SDHAF2: variants seen among roughly 807,000 people sequenced by gnomAD.
The protein encoded by SDHAF2 is succinate dehydrogenase assembly factor 2, mitochondrial.
In SDHAF2, 21 loss-of-function variants were observed where a neutral mutation model predicts 18.5. That is an observed-to-expected ratio of 1.13 (90% confidence interval 0.80 to 1.63). SDHAF2 has a LOEUF of 1.63. Ranked by LOEUF, SDHAF2 falls within the 40% of genes most tolerant of loss-of-function variation. SDHAF2 has a pLI of 0.00. For synonymous variants in SDHAF2, 84 were observed against 70.7 expected (o/e 1.19, Z -0.94); for missense variants, 195 against 200.3 (o/e 0.97, Z 0.16).
At chr11:61,432,853 A>G (rs1241543205) in intron 1 of SDHAF2, 2 of 152,046 alleles carry the variant, frequency 1.3e-5, no homozygotes, top group Non-Finnish European at 1.5e-5. Context: ...CTGCTCTTTT[A>G]TGACCCCCTT....
intron 3 of SDHAF2, chr11:61,444,507 G>A (rs1862112535): frequency 6.6e-6 from 1 of 152,164 alleles, no homozygotes; most frequent in Non-Finnish European, 1.5e-5. Context: ...GGCAGAGGTG[G>A]GCGGATCACA....
In SDHAF2 at chr11:61,436,961, G is replaced by C. The variant is rs546392957; in HGVS notation, c.37-664G>C. ...TCTGTGTGCTCAGGATTTGACACAG[G>C]TGAGTGAGTAGAGTATAAACCACAC... On this transcript the variant is annotated intron_variant, in intron 1 of 3. Transcript: ENST00000301761. The C allele has an allele frequency of 3.2e-6, 4 of 1,249,692 alleles. No homozygotes were observed. The South Asian group carries it at 5.4e-5, about 17-fold the overall frequency. The allele number at this position is 1,249,692 out of a possible 1,614,324, so 77.4% of individuals were successfully genotyped here. A position where few individuals can be genotyped will look rare whatever the true frequency, so the allele number is the denominator to read the frequency against.
intron 1 of SDHAF2, chr11:61,431,517 C>T (rs907820053): frequency 6.6e-6 from 1 of 152,186 alleles, no homozygotes; most frequent in Admixed American, 6.5e-5. Flanking sequence ...TCTTCTTTGA[C>T]TCATTGATTG....
Position 61,446,210 on chromosome 11 carries a change from A to T in SDHAF2, c.*139A>T, listed in dbSNP as rs531889438. 151 of 897,584 alleles carry T rather than the reference A, an allele frequency of 1.7e-4. No individual in the cohort carries two copies. The African/African-American group carries it at 2.3e-3, about 14-fold the overall frequency. 55.6% of individuals were successfully genotyped at this position (897,584 alleles called of 1,614,324 possible). A position where few individuals can be genotyped will look rare whatever the true frequency, so the allele number is the denominator to read the frequency against. ...TGGTCCTGCCTCAAGTGATGGACAT[A>T]ACCCTCTCCTAGGACATACATGTAA... is the stretch of plus-strand genomic sequence containing the variant. On this transcript the variant is annotated 3_prime_UTR_variant, in exon 4 of 4. Transcript: ENST00000301761.
At chr11:61,445,566 G>A (rs1284790294) in intron 3 of SDHAF2, among the ~76,000 whole-genome samples, 1 of 152,192 alleles carries the variant, frequency 6.6e-6, no homozygotes, top group Non-Finnish European at 1.5e-5. Context: ...CAAATGCAAA[G>A]CAAAATAGTA....
At chr11:61,436,970 T>C (rs1862001761) in intron 1 of SDHAF2, 21 of 1,236,522 alleles carry the variant, frequency 1.7e-5, no homozygotes, top group Non-Finnish European at 2.1e-5. Flanking sequence ...GGTGAGTGAG[T>C]AGAGTATAAA....
chr11:61,441,033 C>T (rs1301328764), intron 3 of SDHAF2, among the ~76,000 whole-genome samples: 1 of 151,796 alleles, frequency 6.6e-6, no homozygotes, highest in Non-Finnish European at 1.5e-5. Flanking sequence ...CCCCTATCTC[C>T]AAAAATAAAA....
chr11:61,436,737 T>G (rs752434500), intron 1 of SDHAF2: 2 of 521,954 alleles, frequency 3.8e-6, no homozygotes, highest in Non-Finnish European at 6.8e-6. Context: ...AGGAGCCTCT[T>G]ACTGGTTTCT....
At position 61,438,980 on chromosome 11, in the gene SDHAF2, A is replaced by G. The variant is rs1590765658; in HGVS notation, c.370+867A>G. On this transcript the variant is annotated intron_variant, in intron 3 of 3. Transcript: ENST00000301761. ...AATCGCTTGAGCCTGGGAGACAGAG[A>G]TTGCAGTGAGCTGAGATTGCACCAC... Among the ~76,000 whole-genome samples the G allele has an allele frequency of 4.6e-5, 7 of 152,122 alleles. No individual in the cohort carries two copies. The East Asian group carries it at 1.4e-3, about 29-fold the overall frequency.
chr11:61,439,218 CA>C (rs1178295213), intron 3 of SDHAF2, among the ~76,000 whole-genome samples: 1 of 152,122 alleles, frequency 6.6e-6, no homozygotes, highest in Non-Finnish European at 1.5e-5. Flanking sequence ...CTCCAGAGCT[CA>C]TAGAGGGGCT....
At position 61,446,372 on chromosome 11, in the gene SDHAF2, C is replaced by A; in HGVS notation, c.*301C>A. On this transcript the variant is annotated 3_prime_UTR_variant, in exon 4 of 4. Transcript: ENST00000301761. Reference sequence around the variant, plus strand: ...GTCTGCCACGAGAGGGCACTGCAGGCGAAGCAGTTGTGCTTGCTCATTGCC... The same window carrying A: ...GTCTGCCACGAGAGGGCACTGCAGGAGAAGCAGTTGTGCTTGCTCATTGCC... 1 of 598,212 alleles carries A rather than the reference C, an allele frequency of 1.7e-6. No homozygotes were observed. The highest frequency in any genetic ancestry group is 2.0e-5 in the South Asian group (1 of 49,570). The allele number at this position is 598,212 out of a possible 1,614,324, so 37.1% of individuals were successfully genotyped here.
intron 3 of SDHAF2, among the ~76,000 whole-genome samples, chr11:61,439,991 T>C (rs910425426): frequency 3.9e-5 from 6 of 152,112 alleles, no homozygotes; most frequent in African/African-American, 1.4e-4. Context: ...ATGTGGTAAG[T>C]GTATATGTTT....
intron 3 of SDHAF2, among the ~76,000 whole-genome samples, chr11:61,445,562 C>G (rs1212979761): frequency 6.6e-6 from 1 of 152,136 alleles, no homozygotes; most frequent in African/African-American, 2.4e-5. Context: ...TTGCCAAATG[C>G]AAAGCAAAAT....
At chr11:61,437,585 C>A in intron 1 of SDHAF2, 40 bp from the exon 2 acceptor site, 2 of 1,498,882 alleles carry the variant, frequency 1.3e-6, no homozygotes, top group South Asian at 1.1e-5. Context: ...CGATGATAGT[C>A]GTCATTATTG....
intron 1 of SDHAF2, chr11:61,432,988 T>C (rs953633825): frequency 6.6e-6 from 1 of 151,948 alleles, no homozygotes; most frequent in Non-Finnish European, 1.5e-5. Context: ...CATACCACAG[T>C]TACAGTATTA....
intron 3 of SDHAF2, among the ~76,000 whole-genome samples, chr11:61,441,000 G>A (rs746735824): frequency 2.0e-5 from 3 of 151,790 alleles, no homozygotes; most frequent in Non-Finnish European, 4.4e-5. Context: ...CAGGAGTTTG[G>A]GACCAGCCTG....
intron 3 of SDHAF2, among the ~76,000 whole-genome samples, chr11:61,440,284 G>A (rs1378853274): frequency 1.3e-5 from 2 of 152,148 alleles, no homozygotes; most frequent in African/African-American, 4.8e-5. Context: ...CAACCTGGGC[G>A]ACAGAGTGAG....
At chr11:61,442,983 G>A (rs1862089109) in intron 3 of SDHAF2, among the ~76,000 whole-genome samples, 1 of 152,180 alleles carries the variant, frequency 6.6e-6, no homozygotes, top group Non-Finnish European at 1.5e-5. Context: ...TTGAACTCCT[G>A]GCCTCAAGTG....
At chr11:61,445,709 G>A (rs553022223) in intron 3 of SDHAF2, among the ~76,000 whole-genome samples, 5 of 152,310 alleles carry the variant, frequency 3.3e-5, no homozygotes, top group African/African-American at 9.6e-5. Flanking sequence ...AGGAGCATGG[G>A]TAATATGTAA....
Sources: allele counts gnomAD v4.1 joint callset (sites outside exome capture counted in the v4.1 genomes callset), GRCh38; gene constraint gnomAD v4.1.1; transcripts MANE v1.5; gene names NCBI Gene and HGNC (gene_info 2026-07-23, HGNC 2026-07-21).